FSTL5: variants seen among roughly 807,000 people sequenced by gnomAD.
FSTL5 encodes the protein follistatin like 5.
Under a neutral mutation model 89.1 loss-of-function variants are expected in FSTL5, and 62 were observed. The observed-to-expected ratio is 0.70, with a 90% CI of 0.57 to 0.86. The LOEUF (loss-of-function observed/expected upper bound fraction) is 0.86, where lower values mean the gene tolerates loss of function less well. FSTL5 is among the 40% of genes least tolerant of loss of function. The pLI is 0.00. For missense variants in FSTL5, 1,057 were observed against 1,001.6 expected, an observed-to-expected ratio of 1.06 and a Z score of -0.75; for synonymous variants, 383 against 346.2, an observed-to-expected ratio of 1.11 and a Z score of -1.18.
chr4:161,387,914 T>A (rs1328429725), intron 15 of FSTL5: 3 of 152,048 alleles, frequency 2.0e-5, no homozygotes, highest in Non-Finnish European at 2.9e-5. Flanking sequence ...AGTGTATAGC[T>A]ACTCCTTTAT....
intron 6 of FSTL5, among the ~76,000 whole-genome samples, chr4:161,739,776 C>T (rs1356315481): frequency 1.3e-5 from 2 of 151,940 alleles, no homozygotes; most frequent in Non-Finnish European, 2.9e-5. Flanking sequence ...ATCTCTGTTT[C>T]GTGCAAGTTT....
At chr4:161,677,745 GTATATAATATATTGT>G (rs1340087891) in intron 6 of FSTL5, among the ~76,000 whole-genome samples, 3 of 151,822 alleles carry the variant, frequency 2.0e-5, no homozygotes, top group Non-Finnish European at 2.9e-5. Context: ...GAATTTTCAA[GTATATAATATATTGT>G]TATTAACTAC....
intron 7 of FSTL5, among the ~76,000 whole-genome samples, chr4:161,611,482 A>G (rs76065405): frequency 3.6e-4 from 55 of 152,014 alleles, no homozygotes; most frequent in African/African-American, 1.2e-3. Flanking sequence ...AAAATTTAGC[A>G]ATGTGTTACA....
rs965998785 is a variant in FSTL5, at chr4:161,609,608, T to C, written c.895-22033A>G. On this transcript the variant is annotated intron_variant, in intron 7 of 15. Coordinates refer to ENST00000306100, the MANE Select transcript of FSTL5 (RefSeq NM_020116.5). ...AATCAGTTCAAATTGTCAAGAACTA[T>C]GAATGGTCTAAATTTTTTTTTTTTA... Among the ~76,000 whole-genome samples, 4 of 152,152 alleles carry C rather than the reference T, an allele frequency of 2.6e-5. No individual in the cohort carries two copies. In the South Asian group the frequency reaches 6.2e-4, roughly 24 times the overall value.
intron 7 of FSTL5, among the ~76,000 whole-genome samples, chr4:161,596,937 G>A (rs1390253793): frequency 6.6e-6 from 1 of 152,048 alleles, no homozygotes; most frequent in Non-Finnish European, 1.5e-5. Flanking sequence ...TTAGCCCTTT[G>A]TCAGATGAGT....
intron 4 of FSTL5, among the ~76,000 whole-genome samples, chr4:161,803,124 T>A (rs1729850162): frequency 6.6e-6 from 1 of 151,872 alleles, no homozygotes; most frequent in African/African-American, 2.4e-5. Context: ...TTACTTAAAC[T>A]TTTATTCTGT....
intron 4 of FSTL5, among the ~76,000 whole-genome samples, chr4:161,814,193 A>G (rs1242744090): frequency 6.6e-6 from 1 of 152,154 alleles, no homozygotes; most frequent in Non-Finnish European, 1.5e-5. Context: ...AGAAAATGAA[A>G]GTAGAGAGAA....
chr4:161,626,696 A>C (rs1185313761), intron 7 of FSTL5, among the ~76,000 whole-genome samples: 2 of 152,172 alleles, frequency 1.3e-5, no homozygotes, highest in Non-Finnish European at 2.9e-5. Flanking sequence ...CCACAGGAAC[A>C]TCTGGGCATG....
chr4:161,587,374 A>T, intron 8 of FSTL5, 81 bp downstream of exon 8: 1 of 1,405,410 alleles, frequency 7.1e-7, no homozygotes, highest in Admixed American at 1.7e-5. Flanking sequence ...ACCTTGTAAA[A>T]ACTCAAAAAA....
At chr4:162,071,491 T>C (rs768509431) in intron 2 of FSTL5, among the ~76,000 whole-genome samples, 2 of 151,664 alleles carry the variant, frequency 1.3e-5, no homozygotes, top group Non-Finnish European at 2.9e-5. Context: ...CCCCGACATA[T>C]AACGGAAATG....
At chr4:161,754,451 C>T (rs1740505577) in intron 6 of FSTL5, among the ~76,000 whole-genome samples, 1 of 152,056 alleles carries the variant, frequency 6.6e-6, no homozygotes, top group Non-Finnish European at 1.5e-5. Flanking sequence ...AAAAATCTAT[C>T]ACATTTACCA....
At chr4:162,124,902 A>C (rs1732016487) in intron 1 of FSTL5, among the ~76,000 whole-genome samples, 1 of 152,102 alleles carries the variant, frequency 6.6e-6, no homozygotes, top group Non-Finnish European at 1.5e-5. Flanking sequence ...ACGGGTTTTC[A>C]CCGTGTTAGC....
At chr4:162,052,982 T>C (rs1474771233) in intron 2 of FSTL5, among the ~76,000 whole-genome samples, 2 of 151,620 alleles carry the variant, frequency 1.3e-5, no homozygotes, top group African/African-American at 4.8e-5. Flanking sequence ...TAGTTGACAA[T>C]GGGAAGAAGA....
At chr4:162,138,356 G>A (rs1732596737) in intron 1 of FSTL5, among the ~76,000 whole-genome samples, 1 of 152,006 alleles carries the variant, frequency 6.6e-6, no homozygotes, top group African/African-American at 2.4e-5. Context: ...CACATTTACA[G>A]ATTAAAGGAC....
chr4:161,899,314 T>C (rs547954184), intron 4 of FSTL5, among the ~76,000 whole-genome samples: 1 of 152,310 alleles, frequency 6.6e-6, no homozygotes, highest in East Asian at 1.9e-4. Flanking sequence ...AGGAGAAATG[T>C]GGATAGAGGA....
intron 8 of FSTL5, among the ~76,000 whole-genome samples, chr4:161,573,270 T>G (rs1387028077): frequency 3.9e-5 from 6 of 151,958 alleles, no homozygotes; most frequent in Non-Finnish European, 1.5e-5. Context: ...ATTAGCCAAG[T>G]GTGCTGGCAC....
chr4:161,578,249 G>T (rs1043962376), intron 8 of FSTL5, among the ~76,000 whole-genome samples: 4 of 151,808 alleles, frequency 2.6e-5, no homozygotes, highest in Admixed American at 6.6e-5. Flanking sequence ...TACAATGAAA[G>T]AATAAGTAAG....
chr4:161,879,155 T>C (rs190875604), intron 4 of FSTL5, among the ~76,000 whole-genome samples: 6 of 152,282 alleles, frequency 3.9e-5, no homozygotes, highest in Non-Finnish European at 7.4e-5. Context: ...ATTACCAACA[T>C]CTCTCTGTCT....
At chr4:161,667,904 T>C (rs1000080010) in intron 6 of FSTL5, among the ~76,000 whole-genome samples, 2 of 152,118 alleles carry the variant, frequency 1.3e-5, no homozygotes, top group Non-Finnish European at 2.9e-5. Context: ...GATTCAGGCA[T>C]TGAATACATA....
Sources: gnomAD v4.1 joint callset for allele counts (sites outside exome capture counted in the v4.1 genomes callset) on GRCh38, gnomAD v4.1.1 for gene constraint, MANE v1.5 for transcripts, NCBI Gene and HGNC (gene_info 2026-07-23, HGNC 2026-07-21) for gene names.